Variants in NUDT13 observed in about 807,000 individuals in gnomAD.
The protein encoded by NUDT13 is NAD(P)H pyrophosphatase NUDT13, mitochondrial.
NUDT13 carries 40 observed loss-of-function variants against 41.7 expected under a neutral mutation model. That is an observed-to-expected ratio of 0.96 (90% CI 0.75 to 1.25). The LOEUF is 1.25. Among genes scored for constraint, NUDT13 ranks in the 50% most tolerant of loss-of-function variants. NUDT13 has a pLI of 0.00. For missense variants in NUDT13, 390 were observed against 416.1 expected, an observed-to-expected ratio of 0.94 and a Z score of 0.55; for synonymous variants, 145 against 155.5, an observed-to-expected ratio of 0.93 and a Z score of 0.50.
Position 73,126,771 on chromosome 10 carries a change from C to T in NUDT13, c.802C>T (p.Pro268Ser). Residue 268 changes from proline to serine, a missense_variant, in exon 8 of 9, where the codon CCT becomes TCT. Physicochemically the swap from Pro to Ser is moderately conservative, Grantham distance 74. Coordinates refer to ENST00000357321, the MANE Select transcript of NUDT13 (RefSeq NM_015901.6). The stretch of plus-strand genomic sequence containing the variant: ...CTATGCATCCCAGCATTGGCCCTTC[C>T]CTAGTGGCTCACTCATGATTGCTTG... ...QYYASQHWPF[P>S]SGSLMIACHA... 6.2e-7 allele frequency: 1 copy of T among 1,614,116 alleles called. No individual in the cohort carries two copies.
intron 8 of NUDT13, chr10:73,130,057 T>C (rs1842879544): frequency 6.6e-6 from 1 of 151,504 alleles, no homozygotes; most frequent in Non-Finnish European, 1.5e-5. Flanking sequence ...CAAGGAAAAA[T>C]AGGTATTATT....
Position 73,126,704 on chromosome 10 carries a change from A to G in NUDT13, c.735A>G (p.Glu245=). ...GESVEETIRR[E]VAEEVGLEVE... is the part of the protein sequence containing the mutation. Reference sequence around the variant, plus strand: ...GTGTGGAAGAGACCATCCGCCGAGAAGTTGCAGAAGAGGTGGGATTGGAGG... The same window carrying G: ...GTGTGGAAGAGACCATCCGCCGAGAGGTTGCAGAAGAGGTGGGATTGGAGG... The change falls in exon 8 of 9, where the codon GAA becomes GAG. Residue 245 remains glutamate, a synonymous_variant. Coordinates refer to ENST00000357321, the MANE Select transcript of NUDT13 (RefSeq NM_015901.6). 1 of 1,614,180 alleles carries G rather than the reference A, an allele frequency of 6.2e-7. No individual in the cohort carries two copies. Among genetic ancestry groups the G allele is most frequent in the Non-Finnish European group, 8.5e-7 (1 of 1,180,016 alleles).
intron 8 of NUDT13, among the ~76,000 whole-genome samples, chr10:73,129,451 G>A (rs2133234597): frequency 6.6e-6 from 1 of 151,928 alleles, no homozygotes. Flanking sequence ...TGGGATTATG[G>A]GCATGAGCCA....
At chr10:73,115,543 T>C (rs1236488259) in intron 2 of NUDT13, among the ~76,000 whole-genome samples, 2 of 152,178 alleles carry the variant, frequency 1.3e-5, no homozygotes, top group African/African-American at 4.8e-5. Flanking sequence ...ATAAGTTCTA[T>C]TAAGATCAGA....
chr10:73,124,076 A>G (rs970564930), intron 4 of NUDT13, 138 bp from the exon 5 acceptor site: 7 of 615,844 alleles, frequency 1.1e-5, no homozygotes, highest in African/African-American at 2.0e-5. Flanking sequence ...AGCTGGGACT[A>G]CAGGCACACG....
rs552351116 is a variant in NUDT13 at position 73,116,174 on chromosome 10, AT to A, written c.83+1735del. ...ACTTGTACACCACCATGCCTGGCTA[AT>A]TTTTTTTTATTGTTTGTAAGGTAGG... On this transcript the variant is annotated intron_variant, in intron 2 of 8. Transcript: ENST00000357321. Among the ~76,000 whole-genome samples, 56 of 150,742 alleles carry A rather than the reference AT, an allele frequency of 3.7e-4. 1 individual carries two copies. In the South Asian group the frequency reaches 0.011, roughly 29 times the overall value.
chr10:73,120,166 A>G lies in NUDT13; in HGVS notation c.223+9A>G, dbSNP rs1416968955. ...CCGGCACAGCCTGTTAGGTAAGTCC[A>G]GAGTGGACCAGTGGCGTTGACCAGC... On this transcript the variant is annotated intron_variant, in intron 3 of 8. Coordinates refer to ENST00000357321, the MANE Select transcript of NUDT13 (RefSeq NM_015901.6). The G allele has an allele frequency of 1.2e-6, 2 of 1,613,266 alleles. No individual in the cohort carries two copies. The highest frequency in any genetic ancestry group is 8.5e-7 in the Non-Finnish European group (1 of 1,179,592).
intron 8 of NUDT13, among the ~76,000 whole-genome samples, chr10:73,129,167 C>CTTT (rs900393888): frequency 0.036 from 3,944 of 110,138 alleles, 329 homozygotes; most frequent in African/African-American, 0.13. Flanking sequence ...AAGACGTTGT[C>CTTT]TTTTTTTTTT....
At chr10:73,111,171 G>A (rs920538551) in intron 1 of NUDT13, among the ~76,000 whole-genome samples, 1 of 152,032 alleles carries the variant, frequency 6.6e-6, no homozygotes, top group Non-Finnish European at 1.5e-5. Context: ...ACAGAGACGG[G>A]GTTTCACCGT....
rs565259701 is a variant in NUDT13, at chr10:73,110,873, T to C, written c.-10+306T>C. Among the ~76,000 whole-genome samples the C allele has an allele frequency of 3.3e-5, 5 of 152,298 alleles. No homozygotes were observed. The South Asian group carries it at 1.0e-3, about 32-fold the overall frequency. On this transcript the variant is annotated intron_variant, in intron 1 of 8. Transcript: ENST00000357321. ...TTTTAAAGGAGGGAAAATTATTTTT[T>C]AGAAAGCAAACTATAAAGCAGGTCA...
chr10:73,125,624 A>T (rs150107296), intron 7 of NUDT13, 115 bp downstream of exon 7: 2 of 438,624 alleles, frequency 4.6e-6, no homozygotes, highest in Non-Finnish European at 7.7e-6. Context: ...CTTTTCTATC[A>T]TGTCAAGAAA....
intron 1 of NUDT13, 26 bp from the exon 2 acceptor site, chr10:73,114,331 T>A (rs1239974897): frequency 1.6e-5 from 20 of 1,231,296 alleles, no homozygotes; most frequent in Middle Eastern, 2.1e-4. Flanking sequence ...TGACTTTTTT[T>A]AAAACTCCTT....
Position 73,125,387 on chromosome 10 carries a change from C to G in NUDT13, c.592-11C>G. On this transcript the variant is annotated splice_polypyrimidine_tract_variant and intron_variant, in intron 6 of 8. Transcript: ENST00000357321. ...AGTGCCAGCATCTCAGTTTCCATTC[C>G]CCTTTCCTAGATGGCTCCTGTGGCG... The G allele has an allele frequency of 6.2e-7, 1 of 1,613,366 alleles. No homozygotes were observed. The highest frequency in any genetic ancestry group is 8.5e-7 in the Non-Finnish European group (1 of 1,179,526).
rs760722572 is a variant in NUDT13, at chr10:73,122,312, A to G, written c.358+3A>G. On this transcript the variant is annotated splice_donor_region_variant and intron_variant, in intron 4 of 8. Transcript: ENST00000357321. Reference sequence around the variant, plus strand: ...GGATAGCTCCTTTTCCATAAGTGGTACATGACATTATTCCTAACGGGTACT... The same window carrying G: ...GGATAGCTCCTTTTCCATAAGTGGTGCATGACATTATTCCTAACGGGTACT... 6 of 1,610,626 alleles carry G rather than the reference A, an allele frequency of 3.7e-6. No homozygotes were observed. The highest frequency in any genetic ancestry group is 3.4e-6 in the Non-Finnish European group (4 of 1,178,952).
intron 7 of NUDT13, among the ~76,000 whole-genome samples, chr10:73,125,819 G>C (rs561357776): frequency 3.3e-5 from 5 of 151,600 alleles, no homozygotes; most frequent in South Asian, 2.1e-4. Flanking sequence ...TGAATAGCTA[G>C]GACTACAGGC....
intron 8 of NUDT13, among the ~76,000 whole-genome samples, chr10:73,129,606 G>A (rs1379806993): frequency 1.3e-5 from 2 of 151,486 alleles, no homozygotes; most frequent in East Asian, 3.9e-4. Flanking sequence ...TCCTTGGGAT[G>A]AAGTTTGCAT....
In NUDT13 at chr10:73,130,944, G is replaced by C. The variant is rs749990149; in HGVS notation, c.*41G>C. 1 of 1,526,516 alleles carries C rather than the reference G, an allele frequency of 6.6e-7. No individual in the cohort carries two copies. Among genetic ancestry groups the C allele is most frequent in the Non-Finnish European group, 9.1e-7 (1 of 1,103,204 alleles). The allele number at this position is 1,526,516 out of a possible 1,614,324, so 94.6% of individuals were successfully genotyped here. ...TTAGATCGCTCCTTGGTATTCCTGA[G>C]GGACAAACTAGAGATCAGTTGACAA... On this transcript the variant is annotated 3_prime_UTR_variant, in exon 9 of 9. Coordinates refer to ENST00000357321, the MANE Select transcript of NUDT13 (RefSeq NM_015901.6).
Position 73,126,718 on chromosome 10 carries a change from T to A in NUDT13, c.749T>A (p.Val250Glu). The stretch of plus-strand genomic sequence containing the variant: ...ATCCGCCGAGAAGTTGCAGAAGAGG[T>A]GGGATTGGAGGTGGAAAGCCTGCAG... ...ETIRREVAEEVGLEVESLQYY... is the reference protein window; with the variant it reads ...ETIRREVAEEEGLEVESLQYY... Residue 250 changes from valine to glutamate, a missense_variant, in exon 8 of 9, where the codon GTG becomes GAG. Val to Glu is a moderately radical substitution (Grantham distance 121). Transcript: ENST00000357321. 1 of 1,612,830 alleles carries A rather than the reference T, an allele frequency of 6.2e-7. No individual in the cohort carries two copies. The highest frequency in any genetic ancestry group is 1.1e-5 in the South Asian group (1 of 90,900).
intron 2 of NUDT13, chr10:73,115,189 T>G (rs1043209253): frequency 7.9e-5 from 12 of 152,150 alleles, no homozygotes; most frequent in African/African-American, 2.9e-4. Flanking sequence ...TATTTTTACT[T>G]TTTTAGAGAT....
Sources: allele counts gnomAD v4.1 joint callset (sites outside exome capture counted in the v4.1 genomes callset), GRCh38; gene constraint gnomAD v4.1.1; transcripts MANE v1.5; gene names NCBI Gene and HGNC (gene_info 2026-07-23, HGNC 2026-07-21).